SMARCA2: variants seen among roughly 807,000 people sequenced by gnomAD.
SMARCA2 encodes the protein SWI/SNF-related matrix-associated actin-dependent regulator of chromatin subfamily A member 2.
SMARCA2 carries 61 observed loss-of-function variants against 199.8 expected under a neutral mutation model. The observed-to-expected ratio is 0.31, with a 90% confidence interval of 0.25 to 0.38. The LOEUF is 0.38. Among genes scored for constraint, SMARCA2 ranks in the 10% least tolerant of loss-of-function variants. SMARCA2 has a pLI of 1.00. For missense variants in SMARCA2, 1,344 were observed against 2,012.2 expected (o/e 0.67, Z 6.35); for synonymous variants, 935 against 732.0 (o/e 1.28, Z -4.48).
rs977336889 is a variant in SMARCA2, at chr9:2,119,716, C to T, written c.3762+181C>T. ...CTGCAGACATATTTTGTTTGGCCCA[C>T]GCAGCGTTTTTTAAAATTTCCCATT... On this transcript the variant is annotated intron_variant, in intron 26 of 33. Coordinates refer to ENST00000349721, the MANE Select transcript of SMARCA2 (RefSeq NM_003070.5). The surrounding 1 kb of genome is among the most constrained non-coding windows in gnomAD (Gnocchi z 4.6). Among the ~76,000 whole-genome samples the T allele has an allele frequency of 1.3e-5, 2 of 152,148 alleles. No individual in the cohort carries two copies. Among genetic ancestry groups the T allele is most frequent in the Non-Finnish European group, 2.9e-5 (2 of 68,022 alleles).
chr9:2,192,877 C>T lies in SMARCA2; in HGVS notation c.*138C>T, dbSNP rs75720779. ...TCTATAAACTAGCTTTAGGATAGTG[C>T]CAGACAAACATATGATATCATGGTG... is the stretch of plus-strand genomic sequence containing the variant. On this transcript the variant is annotated 3_prime_UTR_variant, in exon 34 of 34. Transcript: ENST00000349721. The T allele has an allele frequency of 1.8e-3, 1,241 of 676,942 alleles. 15 individuals are homozygous for T. In the African/African-American group the frequency reaches 0.02, roughly 11 times the overall value. 41.9% of individuals were successfully genotyped at this position (676,942 alleles called of 1,614,324 possible).
intron 27 of SMARCA2, among the ~76,000 whole-genome samples, chr9:2,138,025 A>G (rs754295377): frequency 1.2e-4 from 19 of 152,182 alleles, no homozygotes; most frequent in Non-Finnish European, 2.1e-4. Flanking sequence ...TGAGGCCTCC[A>G]TTCTAATTTC....
intron 27 of SMARCA2, among the ~76,000 whole-genome samples, chr9:2,145,192 A>G (rs1824673825): frequency 6.6e-6 from 1 of 151,966 alleles, no homozygotes; most frequent in African/African-American, 2.4e-5. Flanking sequence ...TCTCTGAGCT[A>G]CTTGGGAGGC....
chr9:2,138,169 A>AAAC (rs199875947), intron 27 of SMARCA2, among the ~76,000 whole-genome samples: 3 of 129,828 alleles, frequency 2.3e-5, no homozygotes, highest in Non-Finnish European at 4.5e-5. Context: ...CTTCAGCAAA[A>AAAC]AACAACAACA....
In SMARCA2 at chr9:2,033,120, A is replaced by G. The variant is rs370152390; in HGVS notation, c.355+39A>G. 1.0e-5 allele frequency: 16 copies of G among 1,604,654 alleles called. No individual in the cohort carries two copies. In the African/African-American group the frequency reaches 1.9e-4, roughly 19 times the overall value. On this transcript the variant is annotated intron_variant, in intron 3 of 33. Coordinates refer to ENST00000349721, the MANE Select transcript of SMARCA2 (RefSeq NM_003070.5). ...GCACACCTGATACTGGTTCCCCAGCATAGTCTTTCAGTCTTTCCTGTTGGA... is the reference window on the plus strand; with the variant it reads ...GCACACCTGATACTGGTTCCCCAGCGTAGTCTTTCAGTCTTTCCTGTTGGA...
intron 27 of SMARCA2, among the ~76,000 whole-genome samples, chr9:2,149,093 G>A (rs1419877182): frequency 6.6e-6 from 1 of 151,150 alleles, no homozygotes; most frequent in Non-Finnish European, 1.5e-5. Flanking sequence ...AGACATACCT[G>A]AGACTGGGAA....
Position 2,039,896 on chromosome 9 carries a change from A to G in SMARCA2, c.786A>G (p.Pro262=). ...CGGCCCTTGTTAACTACAACAGACCATCTGGTAGGTTAATACGCAACCAAA... is the reference window on the plus strand; with the variant it reads ...CGGCCCTTGTTAACTACAACAGACCGTCTGGTAGGTTAATACGCAACCAAA... ...QQPALVNYNR[P]SGPGPELSGP... The change falls in exon 4 of 34, where the codon CCA becomes CCG. Residue 262 remains proline (P), a synonymous_variant. Coordinates refer to ENST00000349721, the MANE Select transcript of SMARCA2 (RefSeq NM_003070.5). This position sits in a 1 kb window ranked among gnomAD's most constrained non-coding sequence, Gnocchi z 4.8. 1 of 1,613,748 alleles carries G rather than the reference A, an allele frequency of 6.2e-7. No individual in the cohort carries two copies. Among genetic ancestry groups the G allele is most frequent in the Non-Finnish European group, 8.5e-7 (1 of 1,179,956 alleles).
At chr9:2,174,990 A>G (rs2129782963) in intron 29 of SMARCA2, among the ~76,000 whole-genome samples, 1 of 150,504 alleles carries the variant, frequency 6.6e-6, no homozygotes, top group East Asian at 1.9e-4. Context: ...AGGACAGGAT[A>G]TTCAGTGGAA....
chr9:2,056,859 G>T lies in SMARCA2; in HGVS notation c.1347+14G>T. The stretch of plus-strand genomic sequence containing the variant: ...CAGAAACACCAGGTTCTTAGACCCT[G>T]GGCTTTGCTCACCCTCACTTTGGCA... On this transcript the variant is annotated intron_variant, in intron 7 of 33. Coordinates refer to ENST00000349721, the MANE Select transcript of SMARCA2 (RefSeq NM_003070.5). The surrounding 1 kb of genome is among the most constrained non-coding windows in gnomAD (Gnocchi z 4.0). 6.2e-7 allele frequency: 1 copy of T among 1,607,528 alleles called. No individual in the cohort carries two copies. Among genetic ancestry groups the T allele is most frequent in the Non-Finnish European group, 8.5e-7 (1 of 1,176,630 alleles).
At chr9:2,183,180 G>C (rs567618872) in intron 31 of SMARCA2, among the ~76,000 whole-genome samples, 2 of 152,238 alleles carry the variant, frequency 1.3e-5, no homozygotes, top group South Asian at 4.1e-4. Context: ...TGCTTTTTTG[G>C]AGATTGTATA....
chr9:2,027,975 T>C (rs1454166827), intron 1 of SMARCA2, among the ~76,000 whole-genome samples: 1 of 152,250 alleles, frequency 6.6e-6, no homozygotes, highest in Non-Finnish European at 1.5e-5. Flanking sequence ...TTCTGGCTCA[T>C]AGCCAAGATG....
chr9:2,124,965 T>C (rs963691210), intron 27 of SMARCA2, among the ~76,000 whole-genome samples: 1 of 152,094 alleles, frequency 6.6e-6, no homozygotes, highest in African/African-American at 2.4e-5. Context: ...AACAAAAGCT[T>C]TGGGGAGTTG....
At chr9:2,050,507 T>C (rs1184959524) in intron 5 of SMARCA2, among the ~76,000 whole-genome samples, 2 of 152,186 alleles carry the variant, frequency 1.3e-5, no homozygotes, top group Non-Finnish European at 2.9e-5. Flanking sequence ...AAGGGGTTTA[T>C]TTGGGAAGAA....
chr9:2,021,915 G>C (rs1055993542), intron 1 of SMARCA2: 1 of 149,502 alleles, frequency 6.7e-6, no homozygotes, highest in African/African-American at 2.6e-5. Flanking sequence ...GAGGGCAGAG[G>C]TGGGGGTGGT....
rs1340692994 is a variant in SMARCA2 at position 2,017,013 on chromosome 9, A to G, written c.-37+1609A>G. On this transcript the variant is annotated intron_variant, in intron 1 of 33. Transcript: ENST00000349721. This position sits in a 1 kb window ranked among gnomAD's most constrained non-coding sequence, Gnocchi z 8.8. ...CAGGCCTCGCAGCCTGGGTGCAGTT[A>G]CACGGCGGAGGGCGGGGCGCGGCAG... The G allele has an allele frequency of 1.3e-5, 2 of 151,950 alleles. No individual in the cohort carries two copies. The highest frequency in any genetic ancestry group is 2.9e-5 in the Non-Finnish European group (2 of 67,982). The allele number at this position is 151,950 out of a possible 1,614,324, so 9.4% of individuals were successfully genotyped here. A position where few individuals can be genotyped will look rare whatever the true frequency, so the allele number is the denominator to read the frequency against.
chr9:2,178,941 A>G (rs1415443615), intron 29 of SMARCA2, among the ~76,000 whole-genome samples: 1 of 152,212 alleles, frequency 6.6e-6, no homozygotes, highest in Non-Finnish European at 1.5e-5. Flanking sequence ...GGAGAGAAAC[A>G]ATAACACACA....
At chr9:2,130,258 G>A (rs1354912321) in intron 27 of SMARCA2, among the ~76,000 whole-genome samples, 1 of 152,192 alleles carries the variant, frequency 6.6e-6, no homozygotes, top group Admixed American at 6.5e-5. Context: ...TCTCCTCCTT[G>A]CCTTCCTGTT....
At chr9:2,096,011 T>C (rs1171346333) in intron 19 of SMARCA2, among the ~76,000 whole-genome samples, 8 of 152,212 alleles carry the variant, frequency 5.3e-5, no homozygotes, top group Admixed American at 5.2e-4. Flanking sequence ...TGGATTTTGA[T>C]GGTATTTCAA....
At chr9:2,159,691 A>G (rs1461363207) in intron 27 of SMARCA2, 2 of 1,261,046 alleles carry the variant, frequency 1.6e-6, no homozygotes, top group Non-Finnish European at 2.2e-6. Context: ...GCCTTGTAGT[A>G]GGTAGCATGA....
Sources: gnomAD v4.1 joint callset for allele counts (sites outside exome capture counted in the v4.1 genomes callset) on GRCh38, gnomAD v4.1.1 for gene constraint, Gnocchi (gnomAD v3.1) non-coding constraint, MANE v1.5 for transcripts, NCBI Gene and HGNC (gene_info 2026-07-23, HGNC 2026-07-21) for gene names.